Variants in LHFPL3 observed in about 807,000 individuals in gnomAD.
The protein encoded by LHFPL3 is LHFPL tetraspan subfamily member 3, also known as LHFPL tetraspan subfamily member 3 protein.
Under a neutral mutation model 19.3 loss-of-function variants are expected in LHFPL3, and 5 were observed. That is an observed-to-expected ratio of 0.26 (90% CI 0.14 to 0.54). The LOEUF is 0.54. Among genes scored for constraint, LHFPL3 ranks in the 20% least tolerant of loss-of-function variants. The pLI is 0.94. For missense variants in LHFPL3, 249 were observed against 307.4 expected (o/e 0.81, Z 1.42); for synonymous variants, 133 against 126.2 (o/e 1.05, Z -0.36).
At chr7:104,364,064 G>A (rs1790439303) in intron 1 of LHFPL3, among the ~76,000 whole-genome samples, 1 of 152,198 alleles carries the variant, frequency 6.6e-6, no homozygotes, top group Admixed American at 6.5e-5. Context: ...TAAAAGTAGA[G>A]TCGCAAGGAG....
chr7:104,419,178 T>TAAA (rs61484994), intron 1 of LHFPL3, among the ~76,000 whole-genome samples: 1 of 151,412 alleles, frequency 6.6e-6, no homozygotes, highest in East Asian at 1.9e-4. Flanking sequence ...GGTATATTGG[T>TAAA]AAAAAAAAAT....
intron 1 of LHFPL3, among the ~76,000 whole-genome samples, chr7:104,468,653 T>TA (rs1792840310): frequency 7.7e-6 from 1 of 129,172 alleles, no homozygotes; most frequent in Non-Finnish European, 1.6e-5. Context: ...AGGTCTTGTA[T>TA]AAACCTTTTT....
intron 1 of LHFPL3, among the ~76,000 whole-genome samples, chr7:104,666,419 C>T (rs1447703634): frequency 6.7e-6 from 1 of 149,994 alleles, no homozygotes; most frequent in Non-Finnish European, 1.5e-5. Flanking sequence ...TGAGTGAGAA[C>T]ATGCAGTATT....
Position 104,668,537 on chromosome 7 carries a change from T to C in LHFPL3, c.446-68138T>C, listed in dbSNP as rs1792405732. 5.0e-6 allele frequency: 8 copies of C among 1,613,028 alleles called. No individual in the cohort carries two copies. In the South Asian group the frequency reaches 8.8e-5, roughly 18 times the overall value. ...ATGACCGAGGCAGCAGAGACTATGA[T>C]AGAGGCTATGATTCCCGGATAGGCA... On this transcript the variant is annotated intron_variant, in intron 1 of 2. Coordinates refer to ENST00000424859, the MANE Select transcript of LHFPL3 (RefSeq NM_199000.3).
At chr7:104,737,144 T>C (rs938316664) in intron 2 of LHFPL3, among the ~76,000 whole-genome samples, 10 of 35,726 alleles carry the variant, frequency 2.8e-4, no homozygotes, top group African/African-American at 9.8e-4. Flanking sequence ...ATTATTATTA[T>C]TTTGATGCTT....
At chr7:104,356,037 CAA>C (rs1790267128) in intron 1 of LHFPL3, among the ~76,000 whole-genome samples, 2 of 152,120 alleles carry the variant, frequency 1.3e-5, no homozygotes, top group Non-Finnish European at 2.9e-5. Context: ...GCATTAATAA[CAA>C]AGACAATGTG....
intron 2 of LHFPL3, among the ~76,000 whole-genome samples, chr7:104,848,908 T>TTTGTTG (rs576172307): frequency 6.6e-6 from 1 of 151,128 alleles, no homozygotes; most frequent in South Asian, 2.1e-4. Flanking sequence ...TGGTTTTTTT[T>TTTGTTG]TTGTTGTTGT....
At position 104,592,723 on chromosome 7, in the gene LHFPL3, C is replaced by T. The variant is rs545510443; in HGVS notation, c.446-143952C>T. On this transcript the variant is annotated intron_variant, in intron 1 of 2. Coordinates refer to ENST00000424859, the MANE Select transcript of LHFPL3 (RefSeq NM_199000.3). ...AGAGGTGGAGTCTACAGAGGCAGGCCGGCCTCCTTGAGCTGCAGTGGACTT... is the reference window on the plus strand; with the variant it reads ...AGAGGTGGAGTCTACAGAGGCAGGCTGGCCTCCTTGAGCTGCAGTGGACTT... Among the ~76,000 whole-genome samples, 295 of 152,290 alleles carry T rather than the reference C, an allele frequency of 1.9e-3. 1 individual carries two copies. Among genetic ancestry groups the T allele is most frequent in the African/African-American group, 6.7e-3 (279 of 41,568 alleles).
chr7:104,502,836 G>A (rs1341670088), intron 1 of LHFPL3, among the ~76,000 whole-genome samples: 2 of 152,272 alleles, frequency 1.3e-5, no homozygotes, highest in Non-Finnish European at 1.5e-5. Flanking sequence ...CTAACTTACA[G>A]GATGGTTCTG....
intron 2 of LHFPL3, among the ~76,000 whole-genome samples, chr7:104,758,835 TC>T (rs1001104732): frequency 1.3e-5 from 2 of 152,156 alleles, no homozygotes; most frequent in African/African-American, 4.8e-5. Flanking sequence ...AGGGTTGGGT[TC>T]TTAAAAGAAG....
intron 1 of LHFPL3, among the ~76,000 whole-genome samples, chr7:104,601,116 T>C (rs1224114919): frequency 6.6e-6 from 1 of 152,196 alleles, no homozygotes; most frequent in Non-Finnish European, 1.5e-5. Context: ...TTTATAAGCA[T>C]AGCATATACT....
At chr7:104,371,170 C>T (rs1204941327) in intron 1 of LHFPL3, among the ~76,000 whole-genome samples, 5 of 152,146 alleles carry the variant, frequency 3.3e-5, no homozygotes, top group Non-Finnish European at 7.4e-5. Context: ...AGCATAGACT[C>T]TACTTAGATA....
chr7:104,455,117 CT>C (rs1792514905), intron 1 of LHFPL3, among the ~76,000 whole-genome samples: 1 of 152,160 alleles, frequency 6.6e-6, no homozygotes, highest in Non-Finnish European at 1.5e-5. Context: ...TGGATTGCAA[CT>C]TTTCACTTCA....
chr7:104,611,936 T>C (rs186666974), intron 1 of LHFPL3, among the ~76,000 whole-genome samples: 22 of 152,326 alleles, frequency 1.4e-4, no homozygotes, highest in African/African-American at 5.0e-4. Context: ...TGGGTGTCTG[T>C]CATCCACTTC....
At chr7:104,462,024 C>T (rs1792674361) in intron 1 of LHFPL3, among the ~76,000 whole-genome samples, 1 of 151,526 alleles carries the variant, frequency 6.6e-6, no homozygotes, top group South Asian at 2.1e-4. Flanking sequence ...ATTGTGAATT[C>T]CTGATTTGGC....
At chr7:104,541,539 T>C (rs375617801) in intron 1 of LHFPL3, among the ~76,000 whole-genome samples, 3 of 152,018 alleles carry the variant, frequency 2.0e-5, no homozygotes, top group South Asian at 2.1e-4. Flanking sequence ...GTTTTGACCA[T>C]GAGGAAGGAA....
At chr7:104,536,244 G>C (rs1307791296) in intron 1 of LHFPL3, among the ~76,000 whole-genome samples, 4 of 152,124 alleles carry the variant, frequency 2.6e-5, no homozygotes, top group Non-Finnish European at 5.9e-5. Flanking sequence ...CCCTCAATAA[G>C]AAAAACAGAA....
At chr7:104,758,728 A>C (rs1794326142) in intron 2 of LHFPL3, among the ~76,000 whole-genome samples, 1 of 152,106 alleles carries the variant, frequency 6.6e-6, no homozygotes, top group South Asian at 2.1e-4. Flanking sequence ...GGGAAGCGTC[A>C]CTCAAACAAG....
chr7:104,755,536 T>C (rs571367372), intron 2 of LHFPL3, among the ~76,000 whole-genome samples: 2 of 152,058 alleles, frequency 1.3e-5, no homozygotes, highest in South Asian at 4.2e-4. Flanking sequence ...TCTGTCTGTC[T>C]GTCTCTCTCT....
Sources: allele counts gnomAD v4.1 joint callset (sites outside exome capture counted in the v4.1 genomes callset), GRCh38; gene constraint gnomAD v4.1.1; transcripts MANE v1.5; gene names NCBI Gene and HGNC (gene_info 2026-07-23, HGNC 2026-07-21).